The following ADAM12 variants were observed in gnomAD, a reference collection of about 807,000 sequenced individuals.
ADAM12 encodes ADAM metallopeptidase domain 12.
A neutral mutation model predicts 106.4 loss-of-function variants in ADAM12; 70 were observed. The observed-to-expected ratio is 0.66, with a 90% confidence interval of 0.54 to 0.80. The LOEUF is 0.80. Ranked by LOEUF, ADAM12 falls within the 30% of genes least tolerant of loss-of-function variation. The pLI is 0.00. For synonymous variants in ADAM12, 420 were observed against 433.5 expected (o/e 0.97, Z 0.39); for missense variants, 1,010 against 1,171.9 (o/e 0.86, Z 2.02).
At chr10:126,051,986 C>T (rs904151455) in intron 14 of ADAM12, among the ~76,000 whole-genome samples, 1 of 152,192 alleles carries the variant, frequency 6.6e-6, no homozygotes. Context: ...TTTAATCCTA[C>T]AAGGTAGGTC....
At chr10:126,371,932 T>C (rs553103794) in intron 1 of ADAM12, among the ~76,000 whole-genome samples, 2 of 152,310 alleles carry the variant, frequency 1.3e-5, no homozygotes, top group African/African-American at 2.4e-5. Flanking sequence ...GAGTCCCATA[T>C]AGCAGAGAAG....
In ADAM12 at chr10:126,221,944, G is replaced by C. The variant is rs377329218; in HGVS notation, c.260+56971C>G. Among the ~76,000 whole-genome samples the C allele has an allele frequency of 1.3e-3, 195 of 152,308 alleles. 2 individuals carry two copies. The South Asian group carries it at 0.039, about 30-fold the overall frequency. On this transcript the variant is annotated intron_variant, in intron 3 of 22. Transcript: ENST00000448723. Reference sequence around the variant, plus strand: ...AAACTGTCATAGACCCTCAGAACCAGAGTGCCAGGTTAGGTCACAAGAAGT... The same window carrying C: ...AAACTGTCATAGACCCTCAGAACCACAGTGCCAGGTTAGGTCACAAGAAGT...
At chr10:126,362,329 C>T (rs1241089102) in intron 1 of ADAM12, among the ~76,000 whole-genome samples, 1 of 152,118 alleles carries the variant, frequency 6.6e-6, no homozygotes, top group African/African-American at 2.4e-5. Flanking sequence ...CACTTGTACA[C>T]TATTGGTGGA....
intron 1 of ADAM12, among the ~76,000 whole-genome samples, chr10:126,331,141 G>A (rs568628997): frequency 6.6e-6 from 1 of 152,140 alleles, no homozygotes; most frequent in Non-Finnish European, 1.5e-5. Flanking sequence ...TACCAACACA[G>A]GTTCAATTTA....
At chr10:126,304,578 A>G (rs1334458108) in intron 2 of ADAM12, among the ~76,000 whole-genome samples, 1 of 152,160 alleles carries the variant, frequency 6.6e-6, no homozygotes, top group Non-Finnish European at 1.5e-5. Context: ...AAGAGCAGTA[A>G]ATGATATATT....
intron 5 of ADAM12, among the ~76,000 whole-genome samples, chr10:126,124,313 C>T (rs541901274): frequency 3.3e-5 from 5 of 150,420 alleles, no homozygotes; most frequent in African/African-American, 1.2e-4. Flanking sequence ...TTTGGAGCAA[C>T]TCCTGGGTAA....
rs200354475 is a variant in ADAM12 at position 126,174,008 on chromosome 10, A to ATTTTTTTTTTTTTTTTT, written c.261-18720_261-18704dup. Among the ~76,000 whole-genome samples the ATTTTTTTTTTTTTTTTT allele has an allele frequency of 5.5e-5, 5 of 90,470 alleles. 1 individual carries two copies. The highest frequency in any genetic ancestry group is 2.1e-4 in the African/African-American group (4 of 18,686). 59.4% of individuals were successfully genotyped at this position (90,470 alleles called of 152,430 possible). ...TTTTATCCAGATTCATCTGTTGTTGATTTTTTTTTTTTTTTTTTTTTTTTT... is the reference window on the plus strand; with the variant it reads ...TTTTATCCAGATTCATCTGTTGTTGATTTTTTTTTTTTTTTTTTTTTTTTTTTTTTTTTTTTTTTTTT... On this transcript the variant is annotated intron_variant, in intron 3 of 22. Transcript: ENST00000448723.
intron 1 of ADAM12, among the ~76,000 whole-genome samples, chr10:126,352,466 C>A (rs1365085142): frequency 6.6e-6 from 1 of 152,076 alleles, no homozygotes; most frequent in Admixed American, 6.5e-5. Context: ...GAAAAGCAAA[C>A]CTGTGTATGG....
intron 2 of ADAM12, among the ~76,000 whole-genome samples, chr10:126,289,092 A>G (rs1301176397): frequency 6.6e-6 from 1 of 152,072 alleles, no homozygotes; most frequent in Non-Finnish European, 1.5e-5. Context: ...CAGGGACAGG[A>G]CCGTGTGGTG....
At chr10:126,172,494 C>T (rs967523459) in intron 3 of ADAM12, among the ~76,000 whole-genome samples, 1 of 152,070 alleles carries the variant, frequency 6.6e-6, no homozygotes, top group African/African-American at 2.4e-5. Flanking sequence ...TGCCAACAAA[C>T]ATACAAAAAA....
intron 3 of ADAM12, among the ~76,000 whole-genome samples, chr10:126,256,845 T>G (rs908206799): frequency 7.2e-5 from 11 of 152,162 alleles, no homozygotes; most frequent in Non-Finnish European, 1.5e-4. Flanking sequence ...CAAAGGCTGG[T>G]TCTTTAAGTA....
rs1235170285 is a variant in ADAM12, at chr10:126,066,905, A to C, written c.1324-99T>G. On this transcript the variant is annotated intron_variant, in intron 12 of 22. Coordinates refer to ENST00000448723, the MANE Select transcript of ADAM12 (RefSeq NM_001288973.2). The surrounding 1 kb of genome is among the most constrained non-coding windows in gnomAD (Gnocchi z 5.1). Reference sequence around the variant, plus strand: ...TAAATGGCTGCAAAAAGCAAGAAAGACCAAGAGGGCCCAGCTCCTGAACTG... The same window carrying C: ...TAAATGGCTGCAAAAAGCAAGAAAGCCCAAGAGGGCCCAGCTCCTGAACTG... The C allele has an allele frequency of 7.0e-6, 8 of 1,148,880 alleles. No homozygotes were observed. The highest frequency in any genetic ancestry group is 3.8e-6 in the Non-Finnish European group (3 of 783,052). 71.2% of individuals were successfully genotyped at this position (1,148,880 alleles called of 1,614,324 possible).
At chr10:126,210,196 A>G (rs924608996) in intron 3 of ADAM12, among the ~76,000 whole-genome samples, 9 of 152,108 alleles carry the variant, frequency 5.9e-5, no homozygotes, top group African/African-American at 1.9e-4. Flanking sequence ...GGTGAACTCC[A>G]TTTCATTCTT....
chr10:126,133,143 T>C (rs189652152), intron 5 of ADAM12, among the ~76,000 whole-genome samples: 26 of 152,254 alleles, frequency 1.7e-4, no homozygotes, highest in African/African-American at 6.0e-4. Flanking sequence ...CTGCAGCCTC[T>C]CAGGATGATA....
At chr10:126,227,295 A>G (rs1156429625) in intron 3 of ADAM12, among the ~76,000 whole-genome samples, 2 of 152,054 alleles carry the variant, frequency 1.3e-5, no homozygotes, top group African/African-American at 4.8e-5. Context: ...CATCATCACT[A>G]TTATCACCAT....
chr10:126,125,249 C>CTTTTCT (rs1554972629), intron 5 of ADAM12, among the ~76,000 whole-genome samples: 1 of 134,248 alleles, frequency 7.4e-6, no homozygotes, highest in Non-Finnish European at 1.6e-5. Flanking sequence ...CTTTTCTTTT[C>CTTTTCT]TTTTTTTTTT....
At chr10:126,345,871 C>A (rs1047215016) in intron 1 of ADAM12, among the ~76,000 whole-genome samples, 19 of 152,060 alleles carry the variant, frequency 1.2e-4, no homozygotes, top group Non-Finnish European at 2.8e-4. Flanking sequence ...GTGGTGATAT[C>A]CCCTTTATCA....
At chr10:126,253,102 G>C (rs983411887) in intron 3 of ADAM12, among the ~76,000 whole-genome samples, 14 of 152,148 alleles carry the variant, frequency 9.2e-5, no homozygotes, top group East Asian at 1.9e-4. Flanking sequence ...ATTCCAGAAG[G>C]ACTGTGCCAA....
chr10:126,050,362 A>G (rs925830495), intron 14 of ADAM12, among the ~76,000 whole-genome samples: 1 of 152,230 alleles, frequency 6.6e-6, no homozygotes, highest in Non-Finnish European at 1.5e-5. Flanking sequence ...GAGAGCACAT[A>G]TAATCAGCAT....
Sources: allele counts gnomAD v4.1 joint callset (sites outside exome capture counted in the v4.1 genomes callset), GRCh38; gene constraint gnomAD v4.1.1; non-coding constraint Gnocchi (gnomAD v3.1); transcripts MANE v1.5; gene names NCBI Gene and HGNC (gene_info 2026-07-23, HGNC 2026-07-21).